Variants in DNAAF9 observed in about 807,000 individuals in gnomAD.
DNAAF9 encodes dynein axonemal assembly factor 9.
Under a neutral mutation model 167.0 loss-of-function variants are expected in DNAAF9, and 90 were observed. The observed-to-expected ratio is 0.54, with a 90% CI of 0.45 to 0.64. The LOEUF (loss-of-function observed/expected upper bound fraction) is 0.64, where lower values mean the gene tolerates loss of function less well. Among genes scored for constraint, DNAAF9 ranks in the 30% least tolerant of loss-of-function variants. The probability of loss-of-function intolerance (pLI) is 0.00; values close to 1 mark genes in which losing one functional copy is unlikely to be tolerated. For synonymous variants in DNAAF9, 491 were observed against 508.8 expected, an observed-to-expected ratio of 0.96 and a Z score of 0.47; for missense variants, 1,315 against 1,442.2, an observed-to-expected ratio of 0.91 and a Z score of 1.43.
chr20:3,400,890 G>A (rs866009667), intron 1 of DNAAF9, among the ~76,000 whole-genome samples: 2 of 152,308 alleles, frequency 1.3e-5, no homozygotes, highest in Middle Eastern at 3.4e-3. Flanking sequence ...CAGAAATAAA[G>A]CCATACAAGT....
chr20:3,306,757 T>C (rs1022295329), intron 20 of DNAAF9: 8 of 213,736 alleles, frequency 3.7e-5, no homozygotes, highest in Non-Finnish European at 5.6e-5. Context: ...GCCACAGTGC[T>C]GCCCCGTAGC....
chr20:3,331,768 A>T (rs547860737), intron 11 of DNAAF9, among the ~76,000 whole-genome samples: 6 of 152,200 alleles, frequency 3.9e-5, no homozygotes, highest in Non-Finnish European at 5.9e-5. Context: ...CCACCTCCCA[A>T]GTTCAAGCGA....
chr20:3,281,126 T>C (rs2068758359), intron 28 of DNAAF9, among the ~76,000 whole-genome samples: 1 of 152,134 alleles, frequency 6.6e-6, no homozygotes, highest in Admixed American at 6.5e-5. Flanking sequence ...CCTCCCGGGT[T>C]CAAGCGATTT....
At chr20:3,306,775 C>T in intron 20 of DNAAF9, 1 of 320,368 alleles carries the variant, frequency 3.1e-6, no homozygotes, top group South Asian at 1.2e-4. Flanking sequence ...AGCCTGTTCA[C>T]TGCTGTCTCC....
intron 7 of DNAAF9, among the ~76,000 whole-genome samples, chr20:3,352,450 C>T (rs1381973946): frequency 6.6e-6 from 1 of 152,192 alleles, no homozygotes; most frequent in Non-Finnish European, 1.5e-5. Flanking sequence ...ACACTTTAAC[C>T]ACAGACCTTC....
At chr20:3,394,949 CTTT>C (rs10522445) in intron 1 of DNAAF9, among the ~76,000 whole-genome samples, 1 of 102,136 alleles carries the variant, frequency 9.8e-6, no homozygotes, top group Non-Finnish European at 1.9e-5. Context: ...TTTCTTTTTT[CTTT>C]TTTTTTTTTT....
intron 12 of DNAAF9, among the ~76,000 whole-genome samples, chr20:3,329,176 G>A (rs6051750): frequency 0.62 from 93,454 of 151,768 alleles, 29,087 homozygotes; most frequent in East Asian, 0.72. Flanking sequence ...GGACACACAC[G>A]CACATTTTTG....
intron 1 of DNAAF9, among the ~76,000 whole-genome samples, chr20:3,396,712 C>T (rs111603046): frequency 0.04 from 6,131 of 151,736 alleles, 167 homozygotes; most frequent in African/African-American, 0.079. Context: ...GTCACTGAGC[C>T]GGTATGGCTG....
chr20:3,281,548 A>G (rs2068764386), intron 28 of DNAAF9, 93 bp downstream of exon 28: 12 of 1,205,284 alleles, frequency 1.0e-5, no homozygotes, highest in Admixed American at 5.1e-5. Flanking sequence ...TACTACATAC[A>G]AGGTGACTAA....
intron 10 of DNAAF9, among the ~76,000 whole-genome samples, chr20:3,336,600 AG>A (rs1403245528): frequency 6.6e-6 from 1 of 152,054 alleles, no homozygotes; most frequent in Non-Finnish European, 1.5e-5. Flanking sequence ...CCCAGGCTAG[AG>A]TGCAATGGTG....
chr20:3,284,171 G>GTC (rs1004809852), intron 27 of DNAAF9, among the ~76,000 whole-genome samples: 82 of 134,124 alleles, frequency 6.1e-4, no homozygotes, highest in Non-Finnish European at 8.4e-4. Flanking sequence ...AGTTACTAGA[G>GTC]TCTTTTTTTT....
chr20:3,405,015 G>T (rs896626866), intron 1 of DNAAF9, among the ~76,000 whole-genome samples: 7 of 152,186 alleles, frequency 4.6e-5, no homozygotes, highest in African/African-American at 1.7e-4. Flanking sequence ...CAGAAGGAAA[G>T]AGAATGGAAA....
intron 1 of DNAAF9, among the ~76,000 whole-genome samples, chr20:3,390,651 T>C (rs1015265408): frequency 6.6e-6 from 1 of 152,164 alleles, no homozygotes; most frequent in Non-Finnish European, 1.5e-5. Context: ...AAGTGTGAGG[T>C]GCCACGCCTG....
In DNAAF9 at chr20:3,329,343, G is replaced by C. The variant is rs114839172; in HGVS notation, c.1100+1303C>G. 2.7e-3 allele frequency among the ~76,000 whole-genome samples: 410 copies of C among 152,248 alleles called. 1 individual carries two copies. The highest frequency in any genetic ancestry group is 9.3e-3 in the African/African-American group (385 of 41,548). On this transcript the variant is annotated intron_variant, in intron 12 of 36. Coordinates refer to ENST00000252032, the MANE Select transcript of DNAAF9 (RefSeq NM_001009984.3). Reference sequence around the variant, plus strand: ...CCACTATGTCCAGCTAATTTTTGTAGAGACAGAGTTCCACAGGGTTTCCCA... The same window carrying C: ...CCACTATGTCCAGCTAATTTTTGTACAGACAGAGTTCCACAGGGTTTCCCA...
At chr20:3,288,068 G>A (rs2068882692) in intron 26 of DNAAF9, among the ~76,000 whole-genome samples, 1 of 152,224 alleles carries the variant, frequency 6.6e-6, no homozygotes, top group African/African-American at 2.4e-5. Context: ...GACATCAGAG[G>A]TAAGAAAGAC....
intron 25 of DNAAF9, among the ~76,000 whole-genome samples, chr20:3,291,937 C>G (rs2068962535): frequency 6.6e-6 from 1 of 152,128 alleles, no homozygotes; most frequent in Non-Finnish European, 1.5e-5. Context: ...GTCTCAGCCC[C>G]TCAAATCGCA....
intron 35 of DNAAF9, among the ~76,000 whole-genome samples, chr20:3,254,028 T>A (rs1000107110): frequency 1.3e-5 from 2 of 152,180 alleles, no homozygotes; most frequent in African/African-American, 4.8e-5. Flanking sequence ...CCTAGTGGGA[T>A]GAAGTTCCCA....
chr20:3,285,053 T>A (rs1381189388), intron 27 of DNAAF9, among the ~76,000 whole-genome samples: 1 of 152,164 alleles, frequency 6.6e-6, no homozygotes, highest in Admixed American at 6.5e-5. Flanking sequence ...CAATCACTAA[T>A]CTGTCCTCCA....
At chr20:3,344,307 C>T (rs1193197008) in intron 8 of DNAAF9, among the ~76,000 whole-genome samples, 4 of 152,108 alleles carry the variant, frequency 2.6e-5, no homozygotes, top group Admixed American at 2.0e-4. Context: ...AACATGCATG[C>T]TCTCATGTCC....
Sources: gnomAD v4.1 joint callset for allele counts (sites outside exome capture counted in the v4.1 genomes callset) on GRCh38, gnomAD v4.1.1 for gene constraint, MANE v1.5 for transcripts, NCBI Gene and HGNC (gene_info 2026-07-23, HGNC 2026-07-21) for gene names.